The following EDRF1 variants were observed in gnomAD, a reference collection of about 807,000 sequenced individuals.
EDRF1 encodes the protein erythroid differentiation regulatory factor 1.
In EDRF1, 69 loss-of-function variants were observed where a neutral mutation model predicts 148.7. The observed-to-expected ratio is 0.46, with a 90% CI of 0.38 to 0.57. The LOEUF (loss-of-function observed/expected upper bound fraction) is 0.57. Among genes scored for constraint, EDRF1 ranks in the 20% least tolerant of loss-of-function variants. The pLI is 0.00. For missense variants in EDRF1, 1,118 were observed against 1,478.7 expected (o/e 0.76, Z 4.00); for synonymous variants, 515 against 532.8 (o/e 0.97, Z 0.46).
Position 125,750,674 on chromosome 10 carries a change from G to A in EDRF1, c.3277+1109G>A, listed in dbSNP as rs144376070. Among the ~76,000 whole-genome samples the A allele has an allele frequency of 3.5e-4, 54 of 152,332 alleles. 1 individual carries two copies. The East Asian group carries it at 7.5e-3, about 21-fold the overall frequency. ...GAGGAAACCTGGAAGGCCAAGAGGAGGGGTTTTGCTGCATACCCATTTGGA... is the reference window on the plus strand; with the variant it reads ...GAGGAAACCTGGAAGGCCAAGAGGAAGGGTTTTGCTGCATACCCATTTGGA... On this transcript the variant is annotated intron_variant, in intron 22 of 24. Transcript: ENST00000356792.
chr10:125,737,768 G>T (rs1589839854), intron 13 of EDRF1, 150 bp from the exon 14 acceptor site: 1 of 734,498 alleles, frequency 1.4e-6, no homozygotes, highest in African/African-American at 1.8e-5. Flanking sequence ...ATTTAAAATT[G>T]TAAGTACTTA....
chr10:125,747,824 A>G, intron 20 of EDRF1, 39 bp from the exon 21 acceptor site: 1 of 1,613,572 alleles, frequency 6.2e-7, no homozygotes, highest in East Asian at 2.2e-5. Flanking sequence ...CAGTCAGATT[A>G]GAAGCTTATT....
intron 19 of EDRF1, chr10:125,746,557 A>T (rs1589856830): frequency 1.3e-5 from 2 of 152,608 alleles, no homozygotes; most frequent in South Asian, 2.1e-4. Context: ...TAATATATAT[A>T]AAAGAAAATT....
At position 125,725,700 on chromosome 10, in the gene EDRF1, C is replaced by T. The variant is rs776697276; in HGVS notation, c.654C>T (p.Ala218=). 73 of 1,613,812 alleles carry T rather than the reference C, an allele frequency of 4.5e-5. No homozygotes were observed. The highest frequency in any genetic ancestry group is 5.2e-5 in the Non-Finnish European group (61 of 1,179,974). The change falls in exon 6 of 25, where the codon GCC becomes GCT. Residue 218 remains alanine (A), a synonymous_variant. Transcript: ENST00000356792. ...TGGCCAGTATCAATGGTGATGGAGC[C>T]GCTCAGCCTGTCTCATCCACCGCAG... The part of the protein sequence containing the change: ...FLYYSINGDG[A]AQPVSSTAEQ...
intron 12 of EDRF1, 138 bp from the exon 13 acceptor site, chr10:125,735,506 C>CA (rs1848680769): frequency 1.2e-6 from 1 of 807,230 alleles, no homozygotes; most frequent in Non-Finnish European, 2.0e-6. Flanking sequence ...GAACTGGGAA[C>CA]ATTTCTGTGT....
chr10:125,751,330 T>C (rs1468089273), intron 22 of EDRF1, among the ~76,000 whole-genome samples: 1 of 152,218 alleles, frequency 6.6e-6, no homozygotes, highest in East Asian at 1.9e-4. Context: ...TTAGCCAGGT[T>C]TGTGGGTTTT....
intron 12 of EDRF1, among the ~76,000 whole-genome samples, chr10:125,734,791 C>T (rs560024202): frequency 2.6e-5 from 4 of 152,286 alleles, no homozygotes; most frequent in Admixed American, 6.5e-5. Context: ...TCCTTACCCT[C>T]GGTTGTCTGA....
chr10:125,740,715 A>C, intron 16 of EDRF1, 64 bp downstream of exon 16: 1 of 1,524,858 alleles, frequency 6.6e-7, no homozygotes, highest in South Asian at 1.1e-5. Context: ...AAGGCATCTG[A>C]ATCACAGTGG....
intron 8 of EDRF1, 138 bp downstream of exon 8, chr10:125,729,617 T>C (rs1848409298): frequency 2.6e-6 from 3 of 1,144,696 alleles, no homozygotes; most frequent in Non-Finnish European, 3.9e-6. Flanking sequence ...GCAAGACTCG[T>C]CTCAAAAAAG....
intron 24 of EDRF1, among the ~76,000 whole-genome samples, chr10:125,762,185 GC>G (rs987895713): frequency 6.6e-5 from 10 of 152,350 alleles, no homozygotes; most frequent in Admixed American, 5.2e-4. Context: ...AGCTCTGCAT[GC>G]TGGCTGCTCT....
Position 125,719,711 on chromosome 10 carries a change from T to C in EDRF1, c.-97T>C. ...TTCCTGGCAGAGACCGGAAGTGCGG[T>C]CCGCGGAGCGTCTCTGGCGCTTACC... is the stretch of plus-strand genomic sequence containing the variant. On this transcript the variant is annotated 5_prime_UTR_variant, in exon 1 of 25. Coordinates refer to ENST00000356792, the MANE Select transcript of EDRF1 (RefSeq NM_001202438.2). 1.2e-6 allele frequency: 1 copy of C among 869,176 alleles called. No individual in the cohort carries two copies. Among genetic ancestry groups the C allele is most frequent in the Non-Finnish European group, 1.7e-6 (1 of 572,410 alleles). The allele number at this position is 869,176 out of a possible 1,614,324, so 53.8% of individuals were successfully genotyped here. A position where few individuals can be genotyped will look rare whatever the true frequency, so the allele number is the denominator to read the frequency against.
At chr10:125,753,900 A>AT in intron 24 of EDRF1, 55 bp downstream of exon 24, 1 of 1,591,372 alleles carries the variant, frequency 6.3e-7, no homozygotes, top group Non-Finnish European at 8.6e-7. Flanking sequence ...ACCTATAAAA[A>AT]TTTTCTCTAC....
intron 18 of EDRF1, among the ~76,000 whole-genome samples, chr10:125,743,875 T>C (rs1849171675): frequency 6.6e-6 from 1 of 152,040 alleles, no homozygotes; most frequent in Non-Finnish European, 1.5e-5. Context: ...GTGAGGAAGA[T>C]GTGGGATAGT....
intron 24 of EDRF1, among the ~76,000 whole-genome samples, chr10:125,754,672 T>G (rs577615820): frequency 8.5e-5 from 13 of 152,378 alleles, no homozygotes; most frequent in African/African-American, 2.9e-4. Context: ...TTGGCATTAT[T>G]GATTTAATTT....
chr10:125,731,319 A>C (rs1056686836), intron 9 of EDRF1, among the ~76,000 whole-genome samples: 1 of 152,226 alleles, frequency 6.6e-6, no homozygotes, highest in Non-Finnish European at 1.5e-5. Context: ...AGATCATCAG[A>C]GAAGGGGGTG....
At chr10:125,751,705 C>A (rs1029784199) in intron 22 of EDRF1, among the ~76,000 whole-genome samples, 5 of 152,206 alleles carry the variant, frequency 3.3e-5, no homozygotes, top group Middle Eastern at 3.2e-3. Context: ...TGTCGGCGGT[C>A]TCCAAGACCA....
Position 125,719,935 on chromosome 10 carries a change from G to A in EDRF1, c.108+20G>A, listed in dbSNP as rs148211721. 2.5e-6 allele frequency: 4 copies of A among 1,602,300 alleles called. No individual in the cohort carries two copies. Among genetic ancestry groups the A allele is most frequent in the African/African-American group, 1.3e-5 (1 of 74,794 alleles). ...GCACAGGTGAGTCCTCCGCGGAGGG[G>A]GACCTGCCAGGGATGTGGGAGCGGA... On this transcript the variant is annotated intron_variant, in intron 1 of 24. Transcript: ENST00000356792.
At chr10:125,724,077 A>G in intron 4 of EDRF1, 141 bp downstream of exon 4, 1 of 978,528 alleles carries the variant, frequency 1.0e-6, no homozygotes, top group Admixed American at 2.3e-5. Context: ...CACTGAAGAT[A>G]GAAAAGCTTG....
intron 19 of EDRF1, among the ~76,000 whole-genome samples, chr10:125,746,306 G>A (rs971633239): frequency 6.6e-6 from 1 of 151,946 alleles, no homozygotes; most frequent in African/African-American, 2.4e-5. Flanking sequence ...AGAAATCCTG[G>A]GTAAAAGTTG....
Sources: allele counts gnomAD v4.1 joint callset (sites outside exome capture counted in the v4.1 genomes callset), GRCh38; gene constraint gnomAD v4.1.1; transcripts MANE v1.5; gene names NCBI Gene and HGNC (gene_info 2026-07-23, HGNC 2026-07-21).